Variants in MAMDC2 observed in about 807,000 individuals in gnomAD.
The protein encoded by MAMDC2 is MAM domain-containing protein 2.
Under a neutral mutation model 89.8 loss-of-function variants are expected in MAMDC2, and 57 were observed. The observed-to-expected ratio is 0.63, with a 90% CI of 0.51 to 0.79. The LOEUF (loss-of-function observed/expected upper bound fraction) is 0.79, where lower values mean the gene tolerates loss of function less well. MAMDC2 is among the 30% of genes least tolerant of loss of function. The pLI is 0.00. For missense variants in MAMDC2, 800 were observed against 820.6 expected, an observed-to-expected ratio of 0.97 and a Z score of 0.31; for synonymous variants, 313 against 293.4, an observed-to-expected ratio of 1.07 and a Z score of -0.68.
At chr9:70,055,741 T>G (rs962397096) in intron 2 of MAMDC2, among the ~76,000 whole-genome samples, 1 of 152,204 alleles carries the variant, frequency 6.6e-6, no homozygotes, top group African/African-American at 2.4e-5. Context: ...CTTGGAACCA[T>G]TTGAAGGATT....
chr9:70,207,704 C>T (rs1375804681), intron 11 of MAMDC2, among the ~76,000 whole-genome samples: 1 of 152,146 alleles, frequency 6.6e-6, no homozygotes, highest in African/African-American at 2.4e-5. Flanking sequence ...GAAGTCCTTG[C>T]CCATGCCTAT....
Position 70,088,087 on chromosome 9 carries a change from C to T in MAMDC2, c.149-20124C>T, listed in dbSNP as rs144906303. 1.1e-3 allele frequency among the ~76,000 whole-genome samples: 169 copies of T among 152,214 alleles called. 1 individual carries two copies. The East Asian group carries it at 0.029, about 26-fold the overall frequency. On this transcript the variant is annotated intron_variant, in intron 2 of 13. Transcript: ENST00000377182. The stretch of plus-strand genomic sequence containing the variant: ...GTAAAATAAGATCAGACAACTTTTA[C>T]AGAAGTCTCTAAGCAGGATATGATG...
At chr9:70,108,590 G>A in intron 3 of MAMDC2, 108 bp downstream of exon 3, 1 of 955,200 alleles carries the variant, frequency 1.0e-6, no homozygotes, top group Non-Finnish European at 1.5e-6. Flanking sequence ...CCTGGATTAT[G>A]ACGTGATGTT....
At chr9:70,179,481 G>A (rs1485511685) in intron 11 of MAMDC2, among the ~76,000 whole-genome samples, 1 of 150,838 alleles carries the variant, frequency 6.6e-6, no homozygotes, top group East Asian at 1.9e-4. Flanking sequence ...CCGAGATCAT[G>A]CCACTGCACT....
intron 6 of MAMDC2, among the ~76,000 whole-genome samples, chr9:70,129,811 C>T (rs371627187): frequency 2.0e-5 from 3 of 152,098 alleles, no homozygotes; most frequent in African/African-American, 4.8e-5. Flanking sequence ...CAAAACAGGT[C>T]GCTTAAGAAA....
chr9:70,115,963 C>T (rs2975892), intron 5 of MAMDC2, among the ~76,000 whole-genome samples: 5,406 of 152,234 alleles, frequency 0.036, 308 homozygotes, highest in African/African-American at 0.12. Flanking sequence ...GCTAGTTTTG[C>T]GATTGTTTTT....
intron 2 of MAMDC2, among the ~76,000 whole-genome samples, chr9:70,073,968 C>T (rs1057201899): frequency 6.6e-6 from 1 of 152,188 alleles, no homozygotes. Flanking sequence ...GGGTCATGAG[C>T]CCTTTTGAGA....
chr9:70,202,266 T>A (rs9696031), intron 11 of MAMDC2, among the ~76,000 whole-genome samples: 15,437 of 150,912 alleles, frequency 0.1, 1,558 homozygotes, highest in African/African-American at 0.26. Flanking sequence ...TTTGTTCTCG[T>A]TGGTTTCAAA....
At chr9:70,091,468 G>A (rs2118177830) in intron 2 of MAMDC2, among the ~76,000 whole-genome samples, 1 of 152,218 alleles carries the variant, frequency 6.6e-6, no homozygotes, top group African/African-American at 2.4e-5. Context: ...ATAAAGAACT[G>A]GCCTGGAACC....
intron 9 of MAMDC2, among the ~76,000 whole-genome samples, chr9:70,166,270 T>TACACACACACACAC (rs1372969228): frequency 5.7e-5 from 2 of 35,138 alleles, no homozygotes; most frequent in East Asian, 5.0e-3. Context: ...GAAATATATA[T>TACACACACACACAC]ATATATACAC....
At chr9:70,105,638 C>G (rs1404487384) in intron 2 of MAMDC2, among the ~76,000 whole-genome samples, 2 of 152,142 alleles carry the variant, frequency 1.3e-5, no homozygotes, top group African/African-American at 4.8e-5. Flanking sequence ...ATGTCAAAAT[C>G]ACTCAATGAA....
intron 8 of MAMDC2, among the ~76,000 whole-genome samples, chr9:70,143,145 A>G (rs2031282506): frequency 6.6e-6 from 1 of 152,286 alleles, no homozygotes; most frequent in Non-Finnish European, 1.5e-5. Context: ...GTCACTAAGG[A>G]GATAATAAGG....
chr9:70,194,903 C>G (rs1420702146), intron 11 of MAMDC2, among the ~76,000 whole-genome samples: 5 of 151,932 alleles, frequency 3.3e-5, no homozygotes, highest in African/African-American at 9.7e-5. Context: ...CCAGTATTAC[C>G]CAGGTTACAT....
chr9:70,115,656 A>G (rs925990967), intron 5 of MAMDC2, among the ~76,000 whole-genome samples: 3 of 152,146 alleles, frequency 2.0e-5, no homozygotes, highest in Non-Finnish European at 4.4e-5. Flanking sequence ...AAAGGATTGG[A>G]GTTTTTCTAC....
At chr9:70,171,094 T>C (rs544270745) in intron 11 of MAMDC2, 1 of 158,206 alleles carries the variant, frequency 6.3e-6, no homozygotes, top group Non-Finnish European at 1.4e-5. Flanking sequence ...TAAGCAATGA[T>C]GGGGTGCATT....
At chr9:70,126,035 T>A (rs1022697474) in intron 5 of MAMDC2, 124 bp from the exon 6 acceptor site, 1 of 1,067,382 alleles carries the variant, frequency 9.4e-7, no homozygotes, top group Non-Finnish European at 1.3e-6. Context: ...CTGTAACTCA[T>A]CCACTTCCTC....
At chr9:70,175,184 T>C (rs1002314354) in intron 11 of MAMDC2, among the ~76,000 whole-genome samples, 1 of 152,202 alleles carries the variant, frequency 6.6e-6, no homozygotes, top group African/African-American at 2.4e-5. Flanking sequence ...CAAAGAGCCC[T>C]GTTAGAGGCT....
chr9:70,152,489 G>A (rs10125454), intron 9 of MAMDC2, among the ~76,000 whole-genome samples: 129,978 of 152,048 alleles, frequency 0.85, 55,828 homozygotes, highest in East Asian at 0.98. Context: ...ACATTGTTCA[G>A]CATTACACAG....
At chr9:70,214,833 G>A (rs2033415706) in intron 11 of MAMDC2, among the ~76,000 whole-genome samples, 1 of 152,162 alleles carries the variant, frequency 6.6e-6, no homozygotes, top group Non-Finnish European at 1.5e-5. Flanking sequence ...GTAGTGGTGT[G>A]CGACTCACAG....
Sources: gnomAD v4.1 joint callset for allele counts (sites outside exome capture counted in the v4.1 genomes callset) on GRCh38, gnomAD v4.1.1 for gene constraint, MANE v1.5 for transcripts, NCBI Gene and HGNC (gene_info 2026-07-23, HGNC 2026-07-21) for gene names.